WWOX: variants seen among roughly 807,000 people sequenced by gnomAD.
WWOX encodes WW domain containing oxidoreductase.
Under a neutral mutation model 46.2 loss-of-function variants are expected in WWOX, and 69 were observed. The observed-to-expected ratio is 1.49, with a 90% confidence interval of 1.23 to 1.82. The LOEUF is 1.82. WWOX is among the 40% of genes most tolerant of loss of function. WWOX has a pLI of 0.00. For missense variants in WWOX, 919 were observed against 542.6 expected, an observed-to-expected ratio of 1.69 and a Z score of -6.89; for synonymous variants, 359 against 202.6, an observed-to-expected ratio of 1.77 and a Z score of -6.56.
intron 8 of WWOX, among the ~76,000 whole-genome samples, chr16:79,160,200 G>A (rs552086099): frequency 6.6e-6 from 1 of 152,334 alleles, no homozygotes; most frequent in South Asian, 2.1e-4. Context: ...GATGGGAGCT[G>A]TCAGTTGTGA....
At chr16:78,627,417 G>C (rs1028465077) in intron 8 of WWOX, among the ~76,000 whole-genome samples, 6 of 152,138 alleles carry the variant, frequency 3.9e-5, no homozygotes, top group African/African-American at 1.4e-4. Flanking sequence ...CTATACCATA[G>C]TTTATGACAA....
rs570848580 is a variant in WWOX, at chr16:78,331,246, G to C, written c.517-55614G>C. Among the ~76,000 whole-genome samples the C allele has an allele frequency of 7.2e-5, 11 of 152,204 alleles. No homozygotes were observed. In the South Asian group the frequency reaches 1.0e-3, roughly 14 times the overall value. On this transcript the variant is annotated intron_variant, in intron 5 of 8. Transcript: ENST00000566780. ...TAGCTTCTTCATGCTTGCGTTTCTT[G>C]CATTTGTTACTAAATAAAATATTTA...
At chr16:78,529,185 C>A (rs997067243) in intron 8 of WWOX, among the ~76,000 whole-genome samples, 2 of 151,792 alleles carry the variant, frequency 1.3e-5, no homozygotes, top group African/African-American at 2.4e-5. Context: ...GAACTCCTGG[C>A]CTCAAAGGAT....
chr16:78,696,389 G>C (rs558715904), intron 8 of WWOX, among the ~76,000 whole-genome samples: 1 of 152,224 alleles, frequency 6.6e-6, no homozygotes, highest in Admixed American at 6.5e-5. Context: ...ACTTATAATG[G>C]TTTGACTTAG....
intron 8 of WWOX, among the ~76,000 whole-genome samples, chr16:78,801,334 A>G (rs1426145446): frequency 6.6e-6 from 1 of 152,062 alleles, no homozygotes; most frequent in Non-Finnish European, 1.5e-5. Flanking sequence ...ACATGGTGAA[A>G]TCCCATCTCT....
chr16:78,580,115 C>T (rs1046076289), intron 8 of WWOX, among the ~76,000 whole-genome samples: 6 of 151,548 alleles, frequency 4.0e-5, no homozygotes, highest in East Asian at 1.9e-4. Context: ...GCTCTGTCAC[C>T]CAGGCTGGAG....
intron 8 of WWOX, among the ~76,000 whole-genome samples, chr16:78,701,654 C>G (rs1423409024): frequency 6.6e-6 from 1 of 152,040 alleles, no homozygotes; most frequent in Non-Finnish European, 1.5e-5. Flanking sequence ...GCAGGGAGAG[C>G]TTGGAAACCA....
At chr16:78,172,223 G>A (rs550853733) in intron 5 of WWOX, among the ~76,000 whole-genome samples, 1 of 152,298 alleles carries the variant, frequency 6.6e-6, no homozygotes, top group Non-Finnish European at 1.5e-5. Context: ...AAGTACATCC[G>A]CTGCGCTTCT....
At chr16:78,847,626 A>C (rs2052334853) in intron 8 of WWOX, among the ~76,000 whole-genome samples, 1 of 152,052 alleles carries the variant, frequency 6.6e-6, no homozygotes, top group Admixed American at 6.6e-5. Flanking sequence ...GAGCCACTGC[A>C]TCTAGCCACA....
chr16:78,677,303 T>C (rs569601962), intron 8 of WWOX, among the ~76,000 whole-genome samples: 15 of 152,312 alleles, frequency 9.8e-5, no homozygotes, highest in Admixed American at 8.5e-4. Context: ...TGTCTACTCA[T>C]TACGTACACT....
At chr16:78,748,839 A>G (rs2049411161) in intron 8 of WWOX, among the ~76,000 whole-genome samples, 1 of 152,240 alleles carries the variant, frequency 6.6e-6, no homozygotes, top group Non-Finnish European at 1.5e-5. Context: ...TTGTAAAGCC[A>G]TATATCTTAA....
intron 8 of WWOX, among the ~76,000 whole-genome samples, chr16:78,755,786 A>G (rs1213286073): frequency 1.3e-5 from 2 of 152,162 alleles, no homozygotes; most frequent in Non-Finnish European, 2.9e-5. Context: ...ACAAAAACAT[A>G]CCTGGTTCCA....
At chr16:79,059,852 G>A (rs1052219715) in intron 8 of WWOX, among the ~76,000 whole-genome samples, 10 of 152,168 alleles carry the variant, frequency 6.6e-5, no homozygotes, top group African/African-American at 2.4e-4. Context: ...ATTTGGACTG[G>A]TTCGCACACA....
chr16:78,831,114 A>G (rs949267612), intron 8 of WWOX, among the ~76,000 whole-genome samples: 2 of 152,158 alleles, frequency 1.3e-5, no homozygotes, highest in Non-Finnish European at 2.9e-5. Context: ...TGCAGCTATC[A>G]CAGCCTGGCT....
chr16:78,337,940 G>GAT (rs1168553847), intron 5 of WWOX, among the ~76,000 whole-genome samples: 718 of 117,558 alleles, frequency 6.1e-3, no homozygotes, highest in Non-Finnish European at 9.6e-3. Context: ...TCTCTTGCTG[G>GAT]GGTCTTCATC....
intron 5 of WWOX, among the ~76,000 whole-genome samples, chr16:78,169,661 C>A (rs74599922): frequency 6.6e-6 from 1 of 151,890 alleles, no homozygotes; most frequent in African/African-American, 2.4e-5. Context: ...TTTAGATCCC[C>A]GGAACTTGGG....
chr16:78,300,536 TC>T (rs2080021663), intron 5 of WWOX, among the ~76,000 whole-genome samples: 2 of 151,708 alleles, frequency 1.3e-5, no homozygotes, highest in Non-Finnish European at 2.9e-5. Context: ...CTCTTCTCTT[TC>T]CCCTGTCTCC....
intron 8 of WWOX, among the ~76,000 whole-genome samples, chr16:78,558,649 G>C (rs770618991): frequency 6.6e-6 from 1 of 152,204 alleles, no homozygotes; most frequent in African/African-American, 2.4e-5. Flanking sequence ...CCTAGCTGTT[G>C]TGTTGGTTCT....
chr16:78,463,056 T>C (rs1028282870), intron 8 of WWOX, among the ~76,000 whole-genome samples: 30 of 152,234 alleles, frequency 2.0e-4, no homozygotes, highest in African/African-American at 6.0e-4. Flanking sequence ...TTGTTTTATT[T>C]GCCTTTGCTG....
Sources: gnomAD v4.1 joint callset for allele counts (sites outside exome capture counted in the v4.1 genomes callset) on GRCh38, gnomAD v4.1.1 for gene constraint, MANE v1.5 for transcripts, NCBI Gene and HGNC (gene_info 2026-07-23, HGNC 2026-07-21) for gene names.